RSPH14: variants seen among roughly 807,000 people sequenced by gnomAD.
RSPH14 encodes rhabdoid tumor deletion region gene 1.
RSPH14 carries 20 observed loss-of-function variants against 26.7 expected under a neutral mutation model. That is an observed-to-expected ratio of 0.75 (90% CI 0.53 to 1.09). RSPH14 has a LOEUF of 1.09. Ranked by LOEUF, RSPH14 falls within the 50% of genes least tolerant of loss-of-function variation. The pLI, the probability that RSPH14 is intolerant of heterozygous loss-of-function variation, is 0.00. For missense variants in RSPH14, 449 were observed against 457.2 expected (o/e 0.98, Z 0.16); for synonymous variants, 177 against 189.3 (o/e 0.93, Z 0.53).
chr22:23,064,415 G>A (rs2068160555), intron 4 of RSPH14, among the ~76,000 whole-genome samples: 2 of 152,180 alleles, frequency 1.3e-5, no homozygotes, highest in African/African-American at 4.8e-5. Context: ...ATCTACCATA[G>A]CAAGCGCACA....
intron 6 of RSPH14, among the ~76,000 whole-genome samples, chr22:23,060,223 G>A (rs1360265582): frequency 6.6e-6 from 1 of 152,148 alleles, no homozygotes; most frequent in East Asian, 1.9e-4. Context: ...TGTAATCCCA[G>A]CACTTTGGGA....
At chr22:23,145,917 G>A (rs1008951473), upstream of RSPH14, 4 of 945,044 alleles carry the variant, frequency 4.2e-6, no homozygotes, top group African/African-American at 7.1e-5. Flanking sequence ...TTGGCTGAAA[G>A]TTAAGGCCCC....
chr22:23,162,575 G>C, the RSPH14 span: 3 of 450,960 alleles, frequency 6.7e-6, no homozygotes, highest in South Asian at 3.1e-5. Flanking sequence ...TGCACATGCA[G>C]AGCAGACAGA....
At chr22:23,074,461 T>G (rs2068459580) in intron 4 of RSPH14, among the ~76,000 whole-genome samples, 1 of 152,164 alleles carries the variant, frequency 6.6e-6, no homozygotes, top group African/African-American at 2.4e-5. Context: ...AAACCCATTC[T>G]GGAGAGGTGG....
chr22:23,157,762 C>G, the RSPH14 span, among the ~76,000 whole-genome samples: 1 of 152,230 alleles, frequency 6.6e-6, no homozygotes, highest in Non-Finnish European at 1.5e-5. Flanking sequence ...CTTGTCCTGC[C>G]TCCCTGGATC....
chr22:23,180,595 G>A, the RSPH14 span: 1 of 157,486 alleles, frequency 6.3e-6, no homozygotes, highest in East Asian at 1.8e-4. Flanking sequence ...CGGCGGCACG[G>A]CGGCGGCGGG....
chr22:23,069,193 T>A (rs1201437654), intron 4 of RSPH14, among the ~76,000 whole-genome samples: 1 of 152,144 alleles, frequency 6.6e-6, no homozygotes, highest in Non-Finnish European at 1.5e-5. Flanking sequence ...CACAGAGCTA[T>A]GATGGAGAGA....
chr22:23,061,684 G>T, intron 6 of RSPH14, 125 bp downstream of exon 6: 1 of 1,131,640 alleles, frequency 8.8e-7, no homozygotes, highest in Non-Finnish European at 1.2e-6. Flanking sequence ...GCCAAGGGGA[G>T]GTTTTTTTTT....
At chr22:23,146,423 G>A (rs1373936151), upstream of RSPH14, among the ~76,000 whole-genome samples, 1 of 151,840 alleles carries the variant, frequency 6.6e-6, no homozygotes, top group Admixed American at 6.6e-5. Context: ...TGTTGCCCAG[G>A]CTGGTCTCAA....
chr22:23,157,917 T>TGGGCACCTCCTGGGGAGCC, the RSPH14 span: 3 of 1,602,812 alleles, frequency 1.9e-6, no homozygotes, highest in Non-Finnish European at 1.7e-6. Flanking sequence ...CCTTGGGAGC[T>TGGGCACCTCCTGGGGAGCC]GGGCACCTCC....
chr22:23,165,868 T>C, the RSPH14 span, among the ~76,000 whole-genome samples: 4 of 152,084 alleles, frequency 2.6e-5, no homozygotes, highest in Admixed American at 1.3e-4. Flanking sequence ...GTTTCCAGGC[T>C]GGGCACAGTG....
intron 4 of RSPH14, among the ~76,000 whole-genome samples, chr22:23,122,054 A>C (rs1272854918): frequency 6.6e-6 from 1 of 152,212 alleles, no homozygotes; most frequent in South Asian, 2.1e-4. Context: ...AATCCAAAGC[A>C]TCAGATCTAA....
the RSPH14 span, among the ~76,000 whole-genome samples, chr22:23,153,822 C>T: frequency 6.7e-6 from 1 of 150,250 alleles, no homozygotes; most frequent in African/African-American, 2.5e-5. Context: ...CCAAGTAGGA[C>T]AACAGCTGTG....
intron 4 of RSPH14, among the ~76,000 whole-genome samples, chr22:23,110,766 G>A (rs932853764): frequency 1.3e-5 from 2 of 152,222 alleles, no homozygotes; most frequent in Non-Finnish European, 2.9e-5. Flanking sequence ...GCCAAGCTCA[G>A]CAGAGGGAGG....
At position 23,095,792 on chromosome 22, in the gene RSPH14, G is replaced by A. The variant is rs974996242; in HGVS notation, c.422-31659C>T. ...CTCAGAGAGCCAGCGGCAACGCCGC[G>A]AAATCAAGCTGCTCCTGCTGGGCAC... On this transcript the variant is annotated intron_variant, in intron 4 of 6. Coordinates refer to ENST00000216036, the MANE Select transcript of RSPH14 (RefSeq NM_014433.3). 2 of 1,613,228 alleles carry A rather than the reference G, an allele frequency of 1.2e-6. No homozygotes were observed. Among genetic ancestry groups the A allele is most frequent in the Non-Finnish European group, 1.7e-6 (2 of 1,180,006 alleles).
intron 4 of RSPH14, chr22:23,096,126 C>G: frequency 3.1e-6 from 5 of 1,612,112 alleles, no homozygotes; most frequent in Non-Finnish European, 3.4e-6. Context: ...TTCAGCCGCT[C>G]CAGCGAGTAC....
upstream of RSPH14, chr22:23,145,609 C>A: frequency 6.5e-7 from 1 of 1,535,780 alleles, no homozygotes. Context: ...CGTGCTGGCA[C>A]ATCCCGAGGC....
upstream of RSPH14, among the ~76,000 whole-genome samples, chr22:23,144,089 T>A (rs1442841854): frequency 1.3e-5 from 1 of 79,316 alleles, no homozygotes; most frequent in Non-Finnish European, 2.1e-5. Flanking sequence ...TGAGACTCCA[T>A]CTCAAAAAAA....
intron 4 of RSPH14, among the ~76,000 whole-genome samples, chr22:23,107,243 T>C (rs2069510004): frequency 6.6e-6 from 1 of 152,142 alleles, no homozygotes; most frequent in Non-Finnish European, 1.5e-5. Flanking sequence ...TGGACTCGGC[T>C]GGAACACACC....
Sources: allele counts gnomAD v4.1 joint callset (sites outside exome capture counted in the v4.1 genomes callset), GRCh38; gene constraint gnomAD v4.1.1; transcripts MANE v1.5; gene names NCBI Gene and HGNC (gene_info 2026-07-23, HGNC 2026-07-21).